The following DAB1 variants were observed in gnomAD, a reference collection of about 807,000 sequenced individuals.
DAB1 encodes disabled homolog 1.
In DAB1, 15 loss-of-function variants were observed where a neutral mutation model predicts 64.6. That is an observed-to-expected ratio of 0.23 (90% CI 0.16 to 0.36). The LOEUF is 0.36. DAB1 is among the 10% of genes least tolerant of loss of function. The pLI is 1.00. For synonymous variants in DAB1, 235 were observed against 251.9 expected, an observed-to-expected ratio of 0.93 and a Z score of 0.64; for missense variants, 596 against 706.7, an observed-to-expected ratio of 0.84 and a Z score of 1.78.
intron 5 of DAB1, among the ~76,000 whole-genome samples, chr1:57,996,248 G>C (rs554422896): frequency 6.6e-6 from 1 of 152,198 alleles, no homozygotes; most frequent in Non-Finnish European, 1.5e-5. Context: ...CACAGAGTGA[G>C]ACTTTGTCTC....
chr1:58,371,255 G>A (rs1323524736), intron 3 of DAB1, among the ~76,000 whole-genome samples: 13 of 152,196 alleles, frequency 8.5e-5, no homozygotes, highest in African/African-American at 2.9e-4. Context: ...CTATGCTTTA[G>A]AAAAGAGACT....
At chr1:58,476,580 CAG>C (rs1557432562) in intron 3 of DAB1, among the ~76,000 whole-genome samples, 1 of 152,112 alleles carries the variant, frequency 6.6e-6, no homozygotes, top group African/African-American at 2.4e-5. Flanking sequence ...AGAACACTGA[CAG>C]AGTTTTCTTC....
chr1:57,085,113 C>T (rs1268532073), intron 4 of DAB1, among the ~76,000 whole-genome samples: 1 of 152,156 alleles, frequency 6.6e-6, no homozygotes, highest in Admixed American at 6.5e-5. Context: ...CTCAGTTCTA[C>T]CATTTGCCTG....
chr1:57,851,746 G>T (rs1653535381), intron 1 of DAB1, among the ~76,000 whole-genome samples: 1 of 152,164 alleles, frequency 6.6e-6, no homozygotes, highest in South Asian at 2.1e-4. Context: ...TGGTGTGAAA[G>T]CTCCAATCCC....
intron 7 of DAB1, among the ~76,000 whole-genome samples, chr1:57,519,321 G>A (rs536409839): frequency 1.1e-3 from 174 of 152,260 alleles, no homozygotes; most frequent in African/African-American, 3.5e-3. Flanking sequence ...AAGCCTGCCG[G>A]TGCCCTGACC....
chr1:57,449,717 CCAG>C (rs1480766892), intron 7 of DAB1, among the ~76,000 whole-genome samples: 3 of 152,036 alleles, frequency 2.0e-5, no homozygotes, highest in Non-Finnish European at 4.4e-5. Context: ...TAAGTGACTC[CCAG>C]GCAGATGGTC....
At chr1:57,710,653 G>T (rs540727421) in intron 6 of DAB1, among the ~76,000 whole-genome samples, 1 of 151,906 alleles carries the variant, frequency 6.6e-6, no homozygotes, top group African/African-American at 2.4e-5. Flanking sequence ...TTTTTTTGGG[G>T]GGGGGAGGTT....
upstream of DAB1, among the ~76,000 whole-genome samples, chr1:57,425,124 G>A (rs936964493): frequency 3.3e-5 from 5 of 152,160 alleles, no homozygotes; most frequent in African/African-American, 1.2e-4. Flanking sequence ...GTCTCCAGAG[G>A]CCTGAAATGC....
intron 4 of DAB1, among the ~76,000 whole-genome samples, chr1:58,291,762 A>G (rs1661844747): frequency 6.6e-6 from 1 of 152,184 alleles, no homozygotes; most frequent in Admixed American, 6.5e-5. Context: ...TAGAGACGTT[A>G]ACTTCCTAAG....
At chr1:58,126,829 G>A (rs918140542) in intron 5 of DAB1, among the ~76,000 whole-genome samples, 6 of 150,150 alleles carry the variant, frequency 4.0e-5, no homozygotes, top group Non-Finnish European at 7.4e-5. Flanking sequence ...TGGTGTATAT[G>A]TGCCACATTT....
chr1:57,545,692 T>G (rs1644848683), intron 7 of DAB1, among the ~76,000 whole-genome samples: 1 of 152,176 alleles, frequency 6.6e-6, no homozygotes, highest in Non-Finnish European at 1.5e-5. Flanking sequence ...CCAATCAAAA[T>G]TCATAGCTTC....
chr1:58,211,941 C>A (rs1658572194), intron 4 of DAB1, among the ~76,000 whole-genome samples: 1 of 152,132 alleles, frequency 6.6e-6, no homozygotes, highest in Non-Finnish European at 1.5e-5. Flanking sequence ...ACAGGGAGTG[C>A]ACAATCCTGG....
At chr1:57,345,326 AC>A (rs1677991613) in intron 1 of DAB1, among the ~76,000 whole-genome samples, 1 of 152,216 alleles carries the variant, frequency 6.6e-6, no homozygotes, top group Non-Finnish European at 1.5e-5. Context: ...TTTGGGATGA[AC>A]TAACATATTT....
chr1:58,161,563 G>A (rs140150625), intron 4 of DAB1, among the ~76,000 whole-genome samples: 7 of 152,250 alleles, frequency 4.6e-5, no homozygotes, highest in African/African-American at 1.4e-4. Context: ...TACTTACTGA[G>A]TGCCAAATAC....
chr1:58,132,166 C>T (rs1433155001), intron 5 of DAB1, among the ~76,000 whole-genome samples: 1 of 152,176 alleles, frequency 6.6e-6, no homozygotes, highest in Non-Finnish European at 1.5e-5. Context: ...CGTGGTGCGC[C>T]GTTTTTTAAG....
chr1:57,198,983 C>A (rs1664873479), intron 2 of DAB1, among the ~76,000 whole-genome samples: 1 of 152,086 alleles, frequency 6.6e-6, no homozygotes, highest in Admixed American at 6.6e-5. Flanking sequence ...GAGATATGCA[C>A]CATGGGCACC....
chr1:57,754,769 G>A (rs1292098422), intron 6 of DAB1, among the ~76,000 whole-genome samples: 1 of 152,120 alleles, frequency 6.6e-6, no homozygotes, highest in Non-Finnish European at 1.5e-5. Context: ...CTGGTCCAAG[G>A]TCTCACAGCT....
At chr1:58,168,917 C>T (rs1391476293) in intron 4 of DAB1, among the ~76,000 whole-genome samples, 2 of 152,092 alleles carry the variant, frequency 1.3e-5, no homozygotes, top group African/African-American at 2.4e-5. Context: ...CCACTAAATC[C>T]GATTTTTCTC....
At chr1:57,002,504 G>T (rs1645907152) in intron 14 of DAB1, among the ~76,000 whole-genome samples, 1 of 152,212 alleles carries the variant, frequency 6.6e-6, no homozygotes, top group Non-Finnish European at 1.5e-5. Context: ...GTAATTCTGT[G>T]ATTATCCCAA....
Sources: allele counts gnomAD v4.1 joint callset (sites outside exome capture counted in the v4.1 genomes callset), GRCh38; gene constraint gnomAD v4.1.1; transcripts MANE v1.5; gene names NCBI Gene and HGNC (gene_info 2026-07-23, HGNC 2026-07-21).